Variants in PRSS23 observed in about 807,000 individuals in gnomAD.
PRSS23 encodes serine protease 23, also known as protease, serine 23.
PRSS23 carries 25 observed loss-of-function variants against 34.7 expected under a neutral mutation model. The observed-to-expected ratio is 0.72, with a 90% CI of 0.53 to 1.01. PRSS23 has a LOEUF of 1.01. PRSS23 is among the 50% of genes least tolerant of loss of function. The pLI is 0.00. For synonymous variants in PRSS23, 176 were observed against 186.6 expected (o/e 0.94, Z 0.46); for missense variants, 445 against 475.6 (o/e 0.94, Z 0.60).
At position 86,808,016 on chromosome 11, in the gene PRSS23, C is replaced by T. The variant is rs763792841; in HGVS notation, c.373C>T (p.Arg125Ter). Reference protein sequence around the residue: ...HRDSGSSGKSRRKRQIYGYDS... With the variant: ...HRDSGSSGKS ...AGACTCAGGGTCTTCAGGAAAGTCT[C>T]GAAGGAAGCGGCAGATTTATGGCTA... The change falls in exon 2 of 2, where the codon CGA (arginine) becomes TGA (stop). Residue 125 changes from arginine to a stop codon, truncating the protein, a stop_gained. Coordinates refer to ENST00000280258, the MANE Select transcript of PRSS23 (RefSeq NM_007173.6). LOFTEE classifies it high-confidence loss of function. 16 of 1,613,802 alleles carry T rather than the reference C, an allele frequency of 9.9e-6. No homozygotes were observed. The highest frequency in any genetic ancestry group is 3.3e-5 in the Admixed American group (2 of 59,990).
chr11:86,811,826 G>T (rs1948180571), downstream of PRSS23, among the ~76,000 whole-genome samples: 1 of 152,076 alleles, frequency 6.6e-6, no homozygotes, highest in Non-Finnish European at 1.5e-5. Context: ...AGCCTGCCCT[G>T]GAATGATGAC....
At chr11:86,862,534 T>A (rs1948623294) in intron 2 of PRSS23, among the ~76,000 whole-genome samples, 2 of 151,970 alleles carry the variant, frequency 1.3e-5, no homozygotes, top group Non-Finnish European at 2.9e-5. Context: ...ATGTTATTCC[T>A]AATGTCACAG....
At chr11:86,918,997 C>T (rs1949031390) in intron 2 of PRSS23, among the ~76,000 whole-genome samples, 1 of 152,150 alleles carries the variant, frequency 6.6e-6, no homozygotes, top group Admixed American at 6.5e-5. Flanking sequence ...TCCTGAGATA[C>T]TTGGTGGAGT....
intron 2 of PRSS23, among the ~76,000 whole-genome samples, chr11:86,890,267 C>CT (rs200528890): frequency 7.0e-4 from 104 of 148,152 alleles, no homozygotes; most frequent in African/African-American, 2.6e-3. Flanking sequence ...GAGATTCCAT[C>CT]TCCAAAAAAA....
intron 2 of PRSS23, among the ~76,000 whole-genome samples, chr11:86,835,934 G>A (rs551637517): frequency 1.3e-5 from 2 of 152,278 alleles, no homozygotes; most frequent in South Asian, 4.1e-4. Flanking sequence ...GCTAATACCT[G>A]GCCAAATAGA....
intron 2 of PRSS23, chr11:86,833,505 T>G (rs1948377721): frequency 3.3e-6 from 1 of 304,466 alleles, no homozygotes; most frequent in Non-Finnish European, 6.3e-6. Flanking sequence ...TGTTGCAAGA[T>G]TTAATAGAGT....
intron 2 of PRSS23, among the ~76,000 whole-genome samples, chr11:86,863,022 C>T (rs1948626518): frequency 6.6e-6 from 1 of 151,986 alleles, no homozygotes; most frequent in Non-Finnish European, 1.5e-5. Flanking sequence ...AGATATAACA[C>T]CTAATATCAC....
intron 1 of PRSS23, among the ~76,000 whole-genome samples, chr11:86,792,452 C>A (rs1947957528): frequency 6.6e-6 from 1 of 152,168 alleles, no homozygotes; most frequent in South Asian, 2.1e-4. Flanking sequence ...GTTCCCTCTA[C>A]CCTGTCTTCA....
At chr11:86,824,295 G>A (rs1317372168) in intron 2 of PRSS23, among the ~76,000 whole-genome samples, 1 of 135,354 alleles carries the variant, frequency 7.4e-6, no homozygotes, top group African/African-American at 2.8e-5. Flanking sequence ...CTGGGCAAAA[G>A]AGTGAGATCC....
At chr11:86,875,277 A>G (rs1948715288) in intron 2 of PRSS23, among the ~76,000 whole-genome samples, 1 of 152,198 alleles carries the variant, frequency 6.6e-6, no homozygotes, top group Admixed American at 6.5e-5. Context: ...AGGCTGAGGC[A>G]GGAGAATCAC....
At chr11:86,939,431 T>TTTTTTTAAAAAATATATATA (rs1555084022) in intron 2 of PRSS23, among the ~76,000 whole-genome samples, 1 of 141,752 alleles carries the variant, frequency 7.1e-6, no homozygotes, top group Non-Finnish European at 1.5e-5. Context: ...TATATATTTT[T>TTTTTTTAAAAAATATATATA]TAACATGAGT....
chr11:86,815,324 T>C (rs1365041081), downstream of PRSS23, among the ~76,000 whole-genome samples: 2 of 152,230 alleles, frequency 1.3e-5, no homozygotes, highest in African/African-American at 2.4e-5. Context: ...GTTATATTTA[T>C]GTATTTGTCC....
intron 2 of PRSS23, chr11:86,951,071 TTAG>T (rs1327721568): frequency 5.9e-6 from 9 of 1,527,534 alleles, no homozygotes; most frequent in African/African-American, 4.1e-5. Context: ...CATAAAACTT[TTAG>T]TAGAATTTCC....
chr11:86,828,989 C>T lies in PRSS23; in HGVS notation c.206+5396C>T, dbSNP rs527818619. On this transcript the variant is annotated intron_variant, in intron 2 of 2. Coordinates refer to the PRSS23 transcript ENST00000533902. Reference sequence around the variant, plus strand: ...TTATGTGTCTTGGAGTTGCTCTTCTCGAGGAGTATCTTTGTGGCGTTCTCT... The same window carrying T: ...TTATGTGTCTTGGAGTTGCTCTTCTTGAGGAGTATCTTTGTGGCGTTCTCT... Among the ~76,000 whole-genome samples the T allele has an allele frequency of 5.3e-4, 81 of 152,250 alleles. 1 individual carries two copies. In the East Asian group the frequency reaches 0.01, roughly 19 times the overall value.
chr11:86,803,246 C>T (rs898551091), intron 1 of PRSS23, among the ~76,000 whole-genome samples: 2 of 152,166 alleles, frequency 1.3e-5, no homozygotes, highest in Non-Finnish European at 2.9e-5. Flanking sequence ...AATCTTCATT[C>T]CATTTTTAAG....
chr11:86,803,316 G>T (rs1948062064), intron 1 of PRSS23, among the ~76,000 whole-genome samples: 1 of 152,160 alleles, frequency 6.6e-6, no homozygotes, highest in African/African-American at 2.4e-5. Flanking sequence ...GGGTGAGAGA[G>T]AATTTAAAAT....
chr11:86,938,501 C>G (rs1315098612), intron 2 of PRSS23, among the ~76,000 whole-genome samples: 1 of 152,098 alleles, frequency 6.6e-6, no homozygotes, highest in Non-Finnish European at 1.5e-5. Flanking sequence ...AGCCTGAGAA[C>G]AGGAGGAGCT....
At chr11:86,930,768 C>A (rs1231503499) in intron 2 of PRSS23, among the ~76,000 whole-genome samples, 2 of 131,682 alleles carry the variant, frequency 1.5e-5, no homozygotes, top group Admixed American at 7.9e-5. Context: ...CCAGCCTGGG[C>A]GACAGAGCGA....
intron 2 of PRSS23, chr11:86,911,818 C>T (rs1271768410): frequency 6.5e-6 from 1 of 152,772 alleles, no homozygotes; most frequent in Non-Finnish European, 1.5e-5. Flanking sequence ...GTTACCCAGG[C>T]TGGAGTGCAA....
Sources: gnomAD v4.1 joint callset for allele counts (sites outside exome capture counted in the v4.1 genomes callset) on GRCh38, gnomAD v4.1.1 for gene constraint, MANE v1.5 for transcripts, NCBI Gene and HGNC (gene_info 2026-07-23, HGNC 2026-07-21) for gene names.